Variants in IKBIP observed in about 807,000 individuals in gnomAD.
IKBIP encodes inhibitor of nuclear factor kappa-B kinase-interacting protein.
A neutral mutation model predicts 31.0 loss-of-function variants in IKBIP; 28 were observed. The observed-to-expected ratio is 0.90, with a 90% CI of 0.67 to 1.24. IKBIP has a LOEUF of 1.24. Ranked by LOEUF, IKBIP falls within the 50% of genes most tolerant of loss-of-function variation. The pLI, the probability that IKBIP is intolerant of heterozygous loss-of-function variation, is 0.00. For synonymous variants in IKBIP, 164 were observed against 160.3 expected (o/e 1.02, Z -0.17); for missense variants, 453 against 441.9 (o/e 1.03, Z -0.23).
At chr12:98,640,397 G>C (rs1035793063) in intron 1 of IKBIP, among the ~76,000 whole-genome samples, 1 of 151,956 alleles carries the variant, frequency 6.6e-6, no homozygotes, top group Non-Finnish European at 1.5e-5. Flanking sequence ...CTGAGATTGC[G>C]CCACTGCACT....
chr12:98,616,558 C>T (rs951881088), intron 2 of IKBIP, among the ~76,000 whole-genome samples: 1 of 152,130 alleles, frequency 6.6e-6, no homozygotes, highest in Non-Finnish European at 1.5e-5. Flanking sequence ...AAAAATCTTT[C>T]CCAAGACTAA....
At chr12:98,615,693 T>A (rs1482512616) in intron 2 of IKBIP, among the ~76,000 whole-genome samples, 1 of 152,206 alleles carries the variant, frequency 6.6e-6, no homozygotes, top group African/African-American at 2.4e-5. Context: ...ACCATTCTAC[T>A]CTGTACTTCT....
intron 1 of IKBIP, among the ~76,000 whole-genome samples, chr12:98,637,252 T>A (rs945170011): frequency 6.6e-6 from 1 of 152,130 alleles, no homozygotes; most frequent in East Asian, 1.9e-4. Context: ...AAGAAAAAAG[T>A]ACAAAGCTGA....
intron 1 of IKBIP, among the ~76,000 whole-genome samples, chr12:98,638,734 T>TA (rs1239374245): frequency 6.6e-6 from 1 of 152,056 alleles, no homozygotes; most frequent in Non-Finnish European, 1.5e-5. Flanking sequence ...ACAGGTACAT[T>TA]ACCACCACTG....
chr12:98,642,599 C>CTTTT (rs11380575), intron 1 of IKBIP, among the ~76,000 whole-genome samples: 20 of 115,264 alleles, frequency 1.7e-4, no homozygotes, highest in East Asian at 5.2e-4. Flanking sequence ...ATGCTATCTG[C>CTTTT]TTTTTTTTTT....
At position 98,630,376 on chromosome 12, in the gene IKBIP, C is replaced by CAAAA. The variant is rs61623957; in HGVS notation, c.298-3614_298-3611dup. 6.3e-4 allele frequency among the ~76,000 whole-genome samples: 26 copies of CAAAA among 41,314 alleles called. 7 individuals are homozygous for CAAAA. Among genetic ancestry groups the CAAAA allele is most frequent in the African/African-American group, 3.1e-3 (25 of 8,154 alleles). The allele number at this position is 41,314 out of a possible 152,430, so 27.1% of individuals were successfully genotyped here. On this transcript the variant is annotated intron_variant, in intron 2 of 2. Transcript: ENST00000299157. Reference sequence around the variant, plus strand: ...CCAGCCTGGGCAACAAGAGCCTGGGCAAAAAAAAAAAAAAAAAAAAAAAAA... The same window carrying CAAAA: ...CCAGCCTGGGCAACAAGAGCCTGGGCAAAAAAAAAAAAAAAAAAAAAAAAAAAAA...
At chr12:98,617,512 C>T (rs1056230455) in intron 2 of IKBIP, among the ~76,000 whole-genome samples, 2 of 152,076 alleles carry the variant, frequency 1.3e-5, no homozygotes, top group Admixed American at 6.6e-5. Context: ...AGTATTTTAT[C>T]GAACTTTAAA....
At chr12:98,617,209 G>C (rs1409767720) in intron 2 of IKBIP, among the ~76,000 whole-genome samples, 2 of 152,188 alleles carry the variant, frequency 1.3e-5, no homozygotes, top group African/African-American at 4.8e-5. Flanking sequence ...TAGTAGAGAA[G>C]ACAGATAAGT....
chr12:98,626,838 A>C, intron 2 of IKBIP, 72 bp from the exon 3 acceptor site: 1 of 1,225,480 alleles, frequency 8.2e-7, no homozygotes, highest in Non-Finnish European at 1.1e-6. Flanking sequence ...CACTTTAACA[A>C]TCAGGAGCAT....
chr12:98,627,790 A>G (rs1447111881), intron 2 of IKBIP, among the ~76,000 whole-genome samples: 1 of 152,194 alleles, frequency 6.6e-6, no homozygotes, highest in East Asian at 1.9e-4. Flanking sequence ...AACTTTGTAT[A>G]CAATTTGATA....
Position 98,644,769 on chromosome 12 carries a change from T to A in IKBIP, c.-68A>T. 1 of 1,540,482 alleles carries A rather than the reference T, an allele frequency of 6.5e-7. No individual in the cohort carries two copies. On this transcript the variant is annotated 5_prime_UTR_variant, in exon 1 of 3. In the 5' UTR this introduces an upstream ATG that the reference lacks. Transcript: ENST00000299157. ...CCAGGGGGAGCAGGACGTGGCCGCC[T>A]TGGCGTTCGTGGGAACCCTGGGCGG... is the stretch of plus-strand genomic sequence containing the variant.
At position 98,624,471 on chromosome 12, in the gene IKBIP, C is replaced by A. The variant is rs763299421; in HGVS notation, c.*1459G>T. 1 of 985,200 alleles carries A rather than the reference C, an allele frequency of 1.0e-6. No individual in the cohort carries two copies. The highest frequency in any genetic ancestry group is 4.7e-5 in the South Asian group (1 of 21,278). The allele number at this position is 985,200 out of a possible 1,614,324, so 61.0% of individuals were successfully genotyped here. A position where few individuals can be genotyped will look rare whatever the true frequency, so the allele number is the denominator to read the frequency against. ...CCAGTGGAGAAGGAGTTTGGGGGTT[C>A]TCCAAAAACTTGCAAATTTACATAT... On this transcript the variant is annotated 3_prime_UTR_variant, in exon 3 of 3. Transcript: ENST00000299157.
intron 2 of IKBIP, among the ~76,000 whole-genome samples, chr12:98,629,396 A>G (rs1276227888): frequency 6.6e-6 from 1 of 151,694 alleles, no homozygotes; most frequent in Non-Finnish European, 1.5e-5. Context: ...AAACAAACAA[A>G]CAAACAAACA....
chr12:98,633,175 C>T (rs1056991259), intron 2 of IKBIP, among the ~76,000 whole-genome samples: 5 of 152,132 alleles, frequency 3.3e-5, no homozygotes, highest in African/African-American at 1.2e-4. Flanking sequence ...TAGGTCCTTG[C>T]TTACCTTGTG....
rs550754811 is a variant in IKBIP, at chr12:98,625,311, T to C, written c.*619A>G. Reference sequence around the variant, plus strand: ...TTTAGAACCTTAACAAAAACTAAAATGTTTCCCAGGCTTTAGAGTTTTCAG... The same window carrying C: ...TTTAGAACCTTAACAAAAACTAAAACGTTTCCCAGGCTTTAGAGTTTTCAG... On this transcript the variant is annotated 3_prime_UTR_variant, in exon 3 of 3. Coordinates refer to ENST00000299157, the MANE Select transcript of IKBIP (RefSeq NM_153687.4). The C allele has an allele frequency of 4.1e-6, 4 of 982,462 alleles. No individual in the cohort carries two copies. The African/African-American group carries it at 7.0e-5, about 17-fold the overall frequency. The allele number at this position is 982,462 out of a possible 1,614,324, so 60.9% of individuals were successfully genotyped here.
Position 98,644,766 on chromosome 12 carries a change from G to C in IKBIP, c.-65C>G. 6 of 1,543,332 alleles carry C rather than the reference G, an allele frequency of 3.9e-6. No individual in the cohort carries two copies. The highest frequency in any genetic ancestry group is 1.4e-5 in the African/African-American group (1 of 70,544). Reference sequence around the variant, plus strand: ...TCACCAGGGGGAGCAGGACGTGGCCGCCTTGGCGTTCGTGGGAACCCTGGG... The same window carrying C: ...TCACCAGGGGGAGCAGGACGTGGCCCCCTTGGCGTTCGTGGGAACCCTGGG... On this transcript the variant is annotated 5_prime_UTR_variant, in exon 1 of 3. Coordinates refer to ENST00000299157, the MANE Select transcript of IKBIP (RefSeq NM_153687.4).
At chr12:98,620,523 C>A (rs191386202), downstream of IKBIP, among the ~76,000 whole-genome samples, 1 of 151,994 alleles carries the variant, frequency 6.6e-6, no homozygotes, top group Non-Finnish European at 1.5e-5. Context: ...CTCACCACCA[C>A]GCTCACCTAA....
At chr12:98,621,178 G>A (rs1420676750), downstream of IKBIP, among the ~76,000 whole-genome samples, 3 of 152,188 alleles carry the variant, frequency 2.0e-5, no homozygotes, top group Non-Finnish European at 4.4e-5. Context: ...AAACCCAGGA[G>A]ACGGAGGTTG....
In IKBIP at chr12:98,634,557, C is replaced by T. The variant is rs572445080; in HGVS notation, c.180-144G>A. On this transcript the variant is annotated intron_variant, in intron 1 of 2. Transcript: ENST00000299157. The stretch of plus-strand genomic sequence containing the variant: ...AGGTTTTTTTTTTTTTTTTTTCACA[C>T]AGGGTCTCACTCTGTCACCCAGGCT... 4 of 551,404 alleles carry T rather than the reference C, an allele frequency of 7.3e-6. No individual in the cohort carries two copies. In the East Asian group the frequency reaches 9.3e-5, roughly 13 times the overall value. The allele number at this position is 551,404 out of a possible 1,614,324, so 34.2% of individuals were successfully genotyped here.
Sources: allele counts gnomAD v4.1 joint callset (sites outside exome capture counted in the v4.1 genomes callset), GRCh38; gene constraint gnomAD v4.1.1; transcripts MANE v1.5; gene names NCBI Gene and HGNC (gene_info 2026-07-23, HGNC 2026-07-21).